The following SORCS1 variants were observed in gnomAD, a reference collection of about 807,000 sequenced individuals.
SORCS1 encodes sortilin related VPS10 domain containing receptor 1, also known as VPS10 domain-containing receptor SorCS1.
A neutral mutation model predicts 146.1 loss-of-function variants in SORCS1; 60 were observed. The observed-to-expected ratio is 0.41, with a 90% CI of 0.33 to 0.51. The LOEUF (loss-of-function observed/expected upper bound fraction) is 0.51. Among genes scored for constraint, SORCS1 ranks in the 20% least tolerant of loss-of-function variants. The pLI, the probability that SORCS1 is intolerant of heterozygous loss-of-function variation, is 0.21. For synonymous variants in SORCS1, 637 were observed against 584.0 expected (o/e 1.09, Z -1.31); for missense variants, 1,352 against 1,487.6 (o/e 0.91, Z 1.50).
chr10:106,645,647 C>T (rs1849371663), intron 18 of SORCS1, among the ~76,000 whole-genome samples: 1 of 151,934 alleles, frequency 6.6e-6, no homozygotes. Flanking sequence ...TGTTGAGTTA[C>T]CAGTGTTTCC....
intron 21 of SORCS1, among the ~76,000 whole-genome samples, chr10:106,613,172 TGTTATTC>T (rs1043772495): frequency 3.9e-5 from 6 of 152,184 alleles, no homozygotes; most frequent in Non-Finnish European, 1.5e-5. Flanking sequence ...TGGAATTTTA[TGTTATTC>T]AGGGATTTTC....
chr10:106,947,090 T>G (rs1228357375), intron 2 of SORCS1, among the ~76,000 whole-genome samples: 1 of 152,164 alleles, frequency 6.6e-6, no homozygotes, highest in Non-Finnish European at 1.5e-5. Flanking sequence ...CCCATTAAAA[T>G]ACACTGAGAT....
chr10:107,137,448 C>G (rs530576406), intron 1 of SORCS1, among the ~76,000 whole-genome samples: 1 of 152,200 alleles, frequency 6.6e-6, no homozygotes, highest in Admixed American at 6.5e-5. Flanking sequence ...CCCTGCCAGA[C>G]TAGCCTACAT....
chr10:106,682,299 C>T (rs1852498402), intron 10 of SORCS1, among the ~76,000 whole-genome samples: 1 of 152,194 alleles, frequency 6.6e-6, no homozygotes, highest in South Asian at 2.1e-4. Context: ...CCAGTTCACT[C>T]AGTAACAGCA....
chr10:106,826,747 T>C (rs1201319312), intron 3 of SORCS1, among the ~76,000 whole-genome samples: 1 of 152,178 alleles, frequency 6.6e-6, no homozygotes, highest in Non-Finnish European at 1.5e-5. Context: ...CATGAAGGCC[T>C]CATTTATCTA....
intron 8 of SORCS1, among the ~76,000 whole-genome samples, chr10:106,703,537 A>G (rs993160234): frequency 2.6e-5 from 4 of 152,240 alleles, no homozygotes; most frequent in African/African-American, 7.2e-5. Context: ...GGCAATGGCA[A>G]TATTAAAATC....
At position 107,163,426 on chromosome 10, in the gene SORCS1, G is replaced by A. The variant is rs889215003; in HGVS notation, c.558+543C>T. Among the ~76,000 whole-genome samples the A allele has an allele frequency of 3.9e-5, 6 of 152,094 alleles. No individual in the cohort carries two copies. The East Asian group carries it at 1.2e-3, about 29-fold the overall frequency. ...CATCCACTTGGTCCCTAAAGCAGAG[G>A]ATACACTAAAGAACACCTTATATAC... On this transcript the variant is annotated intron_variant, in intron 1 of 25. Transcript: ENST00000263054.
At chr10:106,814,316 C>T (rs74817630) in intron 3 of SORCS1, among the ~76,000 whole-genome samples, 1,821 of 152,156 alleles carry the variant, frequency 0.012, 38 homozygotes, top group African/African-American at 0.041. Flanking sequence ...ATTTAAAACG[C>T]GAAATTTATT....
chr10:106,776,725 C>T (rs756632908), intron 3 of SORCS1, 33 bp from the exon 4 acceptor site: 40 of 1,588,094 alleles, frequency 2.5e-5, no homozygotes, highest in Non-Finnish European at 3.3e-5. Context: ...AAAGAAACAA[C>T]AGAAAATTAA....
At chr10:107,005,481 G>C (rs901308135) in intron 1 of SORCS1, among the ~76,000 whole-genome samples, 8 of 152,054 alleles carry the variant, frequency 5.3e-5, no homozygotes, top group Non-Finnish European at 8.8e-5. Flanking sequence ...ACAAATAAAG[G>C]CTGAAGATAA....
At chr10:107,070,482 G>A (rs867798734) in intron 1 of SORCS1, among the ~76,000 whole-genome samples, 6 of 152,260 alleles carry the variant, frequency 3.9e-5, no homozygotes, top group Middle Eastern at 6.8e-3. Context: ...GAACAAAATT[G>A]CAGAATTTAA....
intron 2 of SORCS1, among the ~76,000 whole-genome samples, chr10:106,910,330 T>TAG (rs67582833): frequency 6.7e-6 from 1 of 150,044 alleles, no homozygotes; most frequent in Non-Finnish European, 1.5e-5. Flanking sequence ...AGTATATATA[T>TAG]ATAGAGAGTG....
At chr10:107,093,810 C>T (rs933867803) in intron 1 of SORCS1, among the ~76,000 whole-genome samples, 1 of 152,136 alleles carries the variant, frequency 6.6e-6, no homozygotes, top group Admixed American at 6.6e-5. Flanking sequence ...CCACCATGAT[C>T]TCTCTGGCCT....
At chr10:107,069,387 T>G (rs1408838138) in intron 1 of SORCS1, among the ~76,000 whole-genome samples, 2 of 152,168 alleles carry the variant, frequency 1.3e-5, no homozygotes, top group Admixed American at 6.5e-5. Flanking sequence ...TCTTTTTTCT[T>G]TTTTTTAGAC....
At chr10:106,823,329 T>C (rs902836589) in intron 3 of SORCS1, among the ~76,000 whole-genome samples, 14 of 152,202 alleles carry the variant, frequency 9.2e-5, no homozygotes, top group Admixed American at 9.2e-4. Flanking sequence ...ATGTTCTTCT[T>C]GGTTAGAACA....
intron 1 of SORCS1, among the ~76,000 whole-genome samples, chr10:106,988,004 G>C (rs1324211440): frequency 6.6e-6 from 1 of 152,034 alleles, no homozygotes; most frequent in Non-Finnish European, 1.5e-5. Context: ...TATAGTAAAG[G>C]CCATTTCACC....
upstream of SORCS1, among the ~76,000 whole-genome samples, chr10:107,166,254 T>C (rs1827756068): frequency 6.6e-6 from 1 of 152,258 alleles, no homozygotes; most frequent in Non-Finnish European, 1.5e-5. Context: ...GTGTTTGCGA[T>C]GAGGCCAAGT....
At chr10:106,989,343 C>A (rs1195716562) in intron 1 of SORCS1, among the ~76,000 whole-genome samples, 1 of 149,410 alleles carries the variant, frequency 6.7e-6, no homozygotes, top group African/African-American at 2.5e-5. Context: ...GGCTGTCTAT[C>A]TCCCTTGGTA....
intron 6 of SORCS1, among the ~76,000 whole-genome samples, chr10:106,718,950 G>A (rs1855587156): frequency 1.3e-5 from 2 of 152,032 alleles, no homozygotes; most frequent in South Asian, 4.2e-4. Context: ...GTGCTGATTG[G>A]TGCGTTTACA....
Sources: allele counts gnomAD v4.1 joint callset (sites outside exome capture counted in the v4.1 genomes callset), GRCh38; gene constraint gnomAD v4.1.1; transcripts MANE v1.5; gene names NCBI Gene and HGNC (gene_info 2026-07-23, HGNC 2026-07-21).